Variants in TRAF6 observed in about 807,000 individuals in gnomAD.
The protein encoded by TRAF6 is TNF receptor-associated factor 6.
A neutral mutation model predicts 48.4 loss-of-function variants in TRAF6; 10 were observed. That is an observed-to-expected ratio of 0.21 (90% CI 0.13 to 0.35). TRAF6 has a LOEUF of 0.35. Among genes scored for constraint, TRAF6 ranks in the 10% least tolerant of loss-of-function variants. TRAF6 has a pLI of 1.00. For synonymous variants in TRAF6, 186 were observed against 219.6 expected (o/e 0.85, Z 1.35); for missense variants, 397 against 661.0 (o/e 0.60, Z 4.38).
In TRAF6 at chr11:36,484,294, G is replaced by A. The variant is rs1859450805; in HGVS notation, c.*5544C>T. ...GAACACTGATTTTCATTCTTTTCAT[G>A]ATTAGTGTTTCCCCACCCTTATCTT... is the stretch of plus-strand genomic sequence containing the variant. On this transcript the variant is annotated 3_prime_UTR_variant, in exon 7 of 7. Coordinates refer to ENST00000526995, the MANE Select transcript of TRAF6 (RefSeq NM_004620.4). Among the ~76,000 whole-genome samples, 1 of 152,130 alleles carries A rather than the reference G, an allele frequency of 6.6e-6. No homozygotes were observed. Among genetic ancestry groups the A allele is most frequent in the Admixed American group, 6.5e-5 (1 of 15,278 alleles).
chr11:36,510,133 G>A lies in TRAF6; in HGVS notation c.-108C>T, dbSNP rs1294637091. 1 of 152,526 alleles carries A rather than the reference G, an allele frequency of 6.6e-6. No individual in the cohort carries two copies. Among genetic ancestry groups the A allele is most frequent in the Non-Finnish European group, 1.5e-5 (1 of 68,292 alleles). The allele number at this position is 152,526 out of a possible 1,614,324, so 9.4% of individuals were successfully genotyped here. On this transcript the variant is annotated 5_prime_UTR_variant, in exon 1 of 7. Transcript: ENST00000526995. ...TCCGCTCAGCCAAGGCGCTGGTAGAGGACGGACACAGACACTGCGCGCCGA... is the reference window on the plus strand; with the variant it reads ...TCCGCTCAGCCAAGGCGCTGGTAGAAGACGGACACAGACACTGCGCGCCGA...
At chr11:36,493,438 T>C (rs961768246) in intron 5 of TRAF6, among the ~76,000 whole-genome samples, 1 of 152,232 alleles carries the variant, frequency 6.6e-6, no homozygotes, top group African/African-American at 2.4e-5. Flanking sequence ...ATATGGGCTG[T>C]ACTGCCTCTG....
chr11:36,500,851 A>C (rs1481342059), intron 2 of TRAF6, among the ~76,000 whole-genome samples: 1 of 152,140 alleles, frequency 6.6e-6, no homozygotes, highest in Non-Finnish European at 1.5e-5. Flanking sequence ...TTACAGAGTC[A>C]GTATTCTTTG....
At chr11:36,506,830 T>C (rs555497927) in intron 1 of TRAF6, among the ~76,000 whole-genome samples, 3 of 152,312 alleles carry the variant, frequency 2.0e-5, no homozygotes, top group Admixed American at 6.5e-5. Context: ...ATTTTCCAAA[T>C]AAACTTTTTC....
At chr11:36,491,119 AGCTTTT>A (rs1023647127) in intron 6 of TRAF6, among the ~76,000 whole-genome samples, 3 of 150,912 alleles carry the variant, frequency 2.0e-5, no homozygotes, top group African/African-American at 7.4e-5. Flanking sequence ...CTCTCTGAAG[AGCTTTT>A]GTCTCTCTCT....
Position 36,492,502 on chromosome 11 carries a change from A to G in TRAF6, c.756+49T>C, listed in dbSNP as rs752934797. The G allele has an allele frequency of 1.9e-5, 26 of 1,395,470 alleles. No homozygotes were observed. The African/African-American group carries it at 2.8e-4, about 15-fold the overall frequency. The allele number at this position is 1,395,470 out of a possible 1,614,324, so 86.4% of individuals were successfully genotyped here. ...TGTTATTCTCCACTACATGATGTAA[A>G]TATTTTTTTTTACTTATATTCAAGA... On this transcript the variant is annotated intron_variant, in intron 6 of 6. Coordinates refer to ENST00000526995, the MANE Select transcript of TRAF6 (RefSeq NM_004620.4).
rs1390724645 is a variant in TRAF6, at chr11:36,507,431, A to G, written c.-23+2617T>C. ...CATAAATGTATATATGTATATATAC[A>G]TGTATTATACATACATAAATGTATA... On this transcript the variant is annotated intron_variant, in intron 1 of 6. Coordinates refer to ENST00000526995, the MANE Select transcript of TRAF6 (RefSeq NM_004620.4). Among the ~76,000 whole-genome samples the G allele has an allele frequency of 6.0e-4, 2 of 3,334 alleles. 1 individual carries two copies. The highest frequency in any genetic ancestry group is 6.7e-4 in the African/African-American group (2 of 2,986). 2.2% of individuals were successfully genotyped at this position (3,334 alleles called of 152,430 possible).
rs1319568191 is a variant in TRAF6 at position 36,486,143 on chromosome 11, G to A, written c.*3695C>T. On this transcript the variant is annotated 3_prime_UTR_variant, in exon 7 of 7. Coordinates refer to ENST00000526995, the MANE Select transcript of TRAF6 (RefSeq NM_004620.4). ...CAACCTGTGCTTCCCGGGTTCAAGCGATTCCCGTGCCTCAGCCTCCCAAGA... is the reference window on the plus strand; with the variant it reads ...CAACCTGTGCTTCCCGGGTTCAAGCAATTCCCGTGCCTCAGCCTCCCAAGA... Among the ~76,000 whole-genome samples the A allele has an allele frequency of 2.6e-5, 4 of 152,200 alleles. No homozygotes were observed. The highest frequency in any genetic ancestry group is 4.1e-4 in the South Asian group (2 of 4,820).
chr11:36,497,764 A>AAT (rs915006916), intron 3 of TRAF6, among the ~76,000 whole-genome samples: 2 of 152,216 alleles, frequency 1.3e-5, no homozygotes, highest in African/African-American at 4.8e-5. Flanking sequence ...TTCATAATAA[A>AAT]ATGCACAATT....
At position 36,487,151 on chromosome 11, in the gene TRAF6, T is replaced by C. The variant is rs1859496488; in HGVS notation, c.*2687A>G. 1 of 152,196 alleles carries C rather than the reference T, an allele frequency of 6.6e-6. No individual in the cohort carries two copies. Among genetic ancestry groups the C allele is most frequent in the African/African-American group, 2.4e-5 (1 of 41,458 alleles). 9.4% of individuals were successfully genotyped at this position (152,196 alleles called of 1,614,324 possible). ...ATCTCCAGAAAAAAGTGGAAACAAT[T>C]TCTTTTTTAATTTAGCAATGTCCCA... On this transcript the variant is annotated 3_prime_UTR_variant, in exon 7 of 7. Coordinates refer to ENST00000526995, the MANE Select transcript of TRAF6 (RefSeq NM_004620.4).
chr11:36,505,350 GCT>G (rs1277940485), intron 1 of TRAF6, among the ~76,000 whole-genome samples: 1 of 152,178 alleles, frequency 6.6e-6, no homozygotes, highest in Non-Finnish European at 1.5e-5. Flanking sequence ...ATCAACACTT[GCT>G]CTTTCATCTT....
Position 36,490,215 on chromosome 11 carries a change from G to A in TRAF6, c.1192C>T (p.Pro398Ser). 1 of 1,614,182 alleles carries A rather than the reference G, an allele frequency of 6.2e-7. No homozygotes were observed. Among genetic ancestry groups the A allele is most frequent in the Non-Finnish European group, 8.5e-7 (1 of 1,180,032 alleles). ...KLCMRLHLQL[P>S]TAQRCANYIS... ...TAGTTTGCACAGCGCTGAGCAGTCGGTAACTGAAGGTGCAAGCGCATGCAC... is the reference window on the plus strand; with the variant it reads ...TAGTTTGCACAGCGCTGAGCAGTCGATAACTGAAGGTGCAAGCGCATGCAC... Residue 398 changes from proline (P) to serine (S), a missense_variant, in exon 7 of 7, where the codon CCG (proline) becomes TCG (serine). Transcript: ENST00000526995. The surrounding 1 kb of genome is among the most constrained non-coding windows in gnomAD (Gnocchi z 6.4).
In TRAF6 at chr11:36,503,320, A is replaced by G. The variant is rs1479984596; in HGVS notation, c.-22-1783T>C. 2.0e-5 allele frequency among the ~76,000 whole-genome samples: 3 copies of G among 148,400 alleles called. No individual in the cohort carries two copies. The East Asian group carries it at 5.9e-4, about 29-fold the overall frequency. ...GTTTTTTTTTTTTTTTTTGAGACAG[A>G]GTCTCACTCTGTCGCTCAGGCTGGA... is the stretch of plus-strand genomic sequence containing the variant. On this transcript the variant is annotated intron_variant, in intron 1 of 6. Transcript: ENST00000526995.
Position 36,501,500 on chromosome 11 carries a change from A to G in TRAF6, c.16T>C (p.Cys6Arg). The change falls in exon 2 of 7, where the codon TGT (cysteine) becomes CGT (arginine). Residue 6 changes from cysteine (C) to arginine (R), a missense_variant. By Grantham distance (180) the Cys-to-Arg change is radical. Around this residue, in one of 4 missense-constraint regions of TRAF6, gnomAD observed 73 missense variants for 87.3 expected, o/e 0.84. Transcript: ENST00000526995. MSLLN[C>R]ENSCGSSQSE... ...TGGCTGGATCCACAGCTGTTTTCAC[A>G]GTTTAGCAGACTCATAGTAACTTGA... 1 of 1,605,380 alleles carries G rather than the reference A, an allele frequency of 6.2e-7. No homozygotes were observed. The highest frequency in any genetic ancestry group is 1.1e-5 in the South Asian group (1 of 90,574).
At chr11:36,500,339 G>C (rs1184208200) in intron 2 of TRAF6, among the ~76,000 whole-genome samples, 1 of 152,112 alleles carries the variant, frequency 6.6e-6, no homozygotes, top group Non-Finnish European at 1.5e-5. Flanking sequence ...GTTAGCTGTG[G>C]CAAGAGTGTT....
chr11:36,501,631 T>C, intron 1 of TRAF6, 94 bp from the exon 2 acceptor site: 1 of 982,060 alleles, frequency 1.0e-6, no homozygotes, highest in East Asian at 2.6e-5. Context: ...CAAGTCACTT[T>C]TTAATTCATG....
intron 6 of TRAF6, among the ~76,000 whole-genome samples, chr11:36,491,577 A>G (rs973119299): frequency 6.6e-6 from 1 of 152,252 alleles, no homozygotes; most frequent in African/African-American, 2.4e-5. Flanking sequence ...AAAGAAAGAC[A>G]TATCATAAAC....
Position 36,486,845 on chromosome 11 carries a change from T to C in TRAF6, c.*2993A>G, listed in dbSNP as rs1295882364. ...GGCTCATGCCTGTAATCCCAGCACT[T>C]TGGGAGGCTGAGGCGGGCGGATCAT... On this transcript the variant is annotated 3_prime_UTR_variant, in exon 7 of 7. Coordinates refer to ENST00000526995, the MANE Select transcript of TRAF6 (RefSeq NM_004620.4). 1.3e-5 allele frequency among the ~76,000 whole-genome samples: 2 copies of C among 152,058 alleles called. No individual in the cohort carries two copies. Among genetic ancestry groups the C allele is most frequent in the Non-Finnish European group, 2.9e-5 (2 of 68,026 alleles).
At position 36,489,799 on chromosome 11, in the gene TRAF6, T is replaced by C; in HGVS notation, c.*39A>G. 6.3e-7 allele frequency: 1 copy of C among 1,575,718 alleles called. No homozygotes were observed. Among genetic ancestry groups the C allele is most frequent in the Non-Finnish European group, 8.6e-7 (1 of 1,159,248 alleles). On this transcript the variant is annotated 3_prime_UTR_variant, in exon 7 of 7. Coordinates refer to ENST00000526995, the MANE Select transcript of TRAF6 (RefSeq NM_004620.4). Reference sequence around the variant, plus strand: ...GAGAACAGGGCAAGGAAAGGCACTGTTTTCTCCAGGTAGTTGTTTTTGAGC... The same window carrying C: ...GAGAACAGGGCAAGGAAAGGCACTGCTTTCTCCAGGTAGTTGTTTTTGAGC...
Sources: allele counts gnomAD v4.1 joint callset (sites outside exome capture counted in the v4.1 genomes callset), GRCh38; gene constraint gnomAD v4.1.1; regional missense constraint gnomAD v4.1.1; non-coding constraint Gnocchi (gnomAD v3.1); transcripts MANE v1.5; gene names NCBI Gene and HGNC (gene_info 2026-07-23, HGNC 2026-07-21).